ADGRB3: variants seen among roughly 807,000 people sequenced by gnomAD.
ADGRB3 encodes the protein adhesion G protein-coupled receptor B3.
ADGRB3 carries 37 observed loss-of-function variants against 193.4 expected under a neutral mutation model. The observed-to-expected ratio is 0.19, with a 90% CI of 0.15 to 0.25. The LOEUF is 0.25. Among genes scored for constraint, ADGRB3 ranks in the 10% least tolerant of loss-of-function variants. The pLI is 1.00. For missense variants in ADGRB3, 1,637 were observed against 1,852.9 expected, an observed-to-expected ratio of 0.88 and a Z score of 2.14; for synonymous variants, 690 against 644.2, an observed-to-expected ratio of 1.07 and a Z score of -1.08.
chr6:69,223,610 T>G (rs112007635), intron 17 of ADGRB3, among the ~76,000 whole-genome samples: 1 of 151,730 alleles, frequency 6.6e-6, no homozygotes, highest in Non-Finnish European at 1.5e-5. Context: ...CTGTGTTAGT[T>G]TGGTATTATT....
At chr6:69,250,060 G>A (rs1766588026) in intron 20 of ADGRB3, among the ~76,000 whole-genome samples, 2 of 152,164 alleles carry the variant, frequency 1.3e-5, no homozygotes, top group South Asian at 4.1e-4. Context: ...GTTAATATGT[G>A]TGATAAGGGC....
intron 29 of ADGRB3, among the ~76,000 whole-genome samples, chr6:69,364,897 GAGA>G (rs1467891329): frequency 6.6e-6 from 1 of 152,056 alleles, no homozygotes; most frequent in African/African-American, 2.4e-5. Context: ...GGGGACAAAA[GAGA>G]TATCATGGTT....
intron 20 of ADGRB3, among the ~76,000 whole-genome samples, chr6:69,298,579 T>A (rs551281555): frequency 3.2e-4 from 48 of 152,054 alleles, no homozygotes; most frequent in African/African-American, 9.9e-4. Flanking sequence ...CATTCTAATG[T>A]GTGTCTTCAT....
chr6:69,339,059 G>C, intron 25 of ADGRB3, 45 bp downstream of exon 25: 2 of 1,587,246 alleles, frequency 1.3e-6, no homozygotes, highest in Non-Finnish European at 1.7e-6. Context: ...ATCTTTTACA[G>C]TGCATGTGAG....
At chr6:68,669,533 A>G (rs748410512) in intron 3 of ADGRB3, among the ~76,000 whole-genome samples, 6 of 151,462 alleles carry the variant, frequency 4.0e-5, no homozygotes, top group Admixed American at 2.0e-4. Context: ...ACATAACATA[A>G]TGATCTCCAG....
At position 68,720,438 on chromosome 6, in the gene ADGRB3, G is replaced by A. The variant is rs533687173; in HGVS notation, c.757+81006G>A. Among the ~76,000 whole-genome samples, 10 of 151,640 alleles carry A rather than the reference G, an allele frequency of 6.6e-5. No individual in the cohort carries two copies. In the South Asian group the frequency reaches 8.3e-4, roughly 13 times the overall value. ...GGCTTTTTAATTTTACCTGATTCGA[G>A]TTCAATAAAAATGTTGAAGAGGCAA... On this transcript the variant is annotated intron_variant, in intron 3 of 31. Coordinates refer to ENST00000370598, the MANE Select transcript of ADGRB3 (RefSeq NM_001704.3).
At chr6:69,323,112 A>G (rs1434800441) in intron 20 of ADGRB3, among the ~76,000 whole-genome samples, 3 of 152,012 alleles carry the variant, frequency 2.0e-5, no homozygotes, top group Non-Finnish European at 4.4e-5. Flanking sequence ...TTCTTATAAA[A>G]TTTCAGTACA....
At chr6:69,019,352 A>G (rs1027147430) in intron 13 of ADGRB3, among the ~76,000 whole-genome samples, 2 of 152,044 alleles carry the variant, frequency 1.3e-5, no homozygotes, top group Non-Finnish European at 2.9e-5. Context: ...ATTCGTATTC[A>G]CAGATATTTA....
At position 69,328,085 on chromosome 6, in the gene ADGRB3, T is replaced by C. The variant is rs1768618216; in HGVS notation, c.3035+196T>C. Among the ~76,000 whole-genome samples, 3 of 152,204 alleles carry C rather than the reference T, an allele frequency of 2.0e-5. No individual in the cohort carries two copies. The South Asian group carries it at 6.2e-4, about 32-fold the overall frequency. ...AATGTTGTGGCACTATTCAGAATCT[T>C]TGTTTTAGTTTCCCATTTCTTAATA... On this transcript the variant is annotated intron_variant, in intron 22 of 31. Transcript: ENST00000370598.
chr6:68,821,389 T>A (rs1767745478), intron 3 of ADGRB3, among the ~76,000 whole-genome samples: 1 of 151,982 alleles, frequency 6.6e-6, no homozygotes, highest in Non-Finnish European at 1.5e-5. Context: ...CAATGCTTAT[T>A]CCACTGTACA....
At chr6:69,091,154 G>A (rs1284704700) in intron 17 of ADGRB3, among the ~76,000 whole-genome samples, 1 of 152,124 alleles carries the variant, frequency 6.6e-6, no homozygotes, top group Non-Finnish European at 1.5e-5. Context: ...TCCTAGCGAG[G>A]TTGTGGACAA....
At chr6:69,076,818 CTATA>C (rs1695190395) in intron 17 of ADGRB3, among the ~76,000 whole-genome samples, 1 of 151,906 alleles carries the variant, frequency 6.6e-6, no homozygotes, top group Non-Finnish European at 1.5e-5. Flanking sequence ...TAATCCCACT[CTATA>C]TATGCTGTCA....
intron 20 of ADGRB3, among the ~76,000 whole-genome samples, chr6:69,242,138 A>T (rs1385871328): frequency 6.6e-6 from 1 of 151,874 alleles, no homozygotes; most frequent in Non-Finnish European, 1.5e-5. Flanking sequence ...CATCTGTTTG[A>T]CTGTATTTGG....
chr6:69,007,065 A>AAAAC lies in ADGRB3; in HGVS notation c.1930-6969_1930-6966dup, dbSNP rs77692653. ...TTGATCCCTCGTACTCAATTTGAAC[A>AAAAC]AAACAAAGTTCACTTTCTTTTCTCA... On this transcript the variant is annotated intron_variant, in intron 11 of 31. Transcript: ENST00000370598. Among the ~76,000 whole-genome samples the AAAAC allele has an allele frequency of 3.0e-3, 457 of 152,236 alleles. 1 individual carries two copies. The highest frequency in any genetic ancestry group is 6.8e-3 in the Middle Eastern group (2 of 294).
At chr6:69,218,068 C>CAAAAAAA in intron 17 of ADGRB3, among the ~76,000 whole-genome samples, 1 of 81,236 alleles carries the variant, frequency 1.2e-5, no homozygotes, top group Non-Finnish European at 2.4e-5. Context: ...CTCCAGCTGA[C>CAAAAAAA]AAAAAAAAAA....
chr6:69,354,830 C>G (rs1404697877), intron 27 of ADGRB3, among the ~76,000 whole-genome samples: 2 of 152,082 alleles, frequency 1.3e-5, no homozygotes, highest in Non-Finnish European at 2.9e-5. Context: ...AGTAGCCACT[C>G]TTTTAGTGAA....
At chr6:68,715,775 G>A (rs1004761033) in intron 3 of ADGRB3, among the ~76,000 whole-genome samples, 2 of 151,352 alleles carry the variant, frequency 1.3e-5, no homozygotes, top group Non-Finnish European at 3.0e-5. Flanking sequence ...GGGTTCCATC[G>A]GCTACAATTA....
chr6:68,827,094 G>GAT (rs925604682), intron 3 of ADGRB3, among the ~76,000 whole-genome samples: 38 of 152,238 alleles, frequency 2.5e-4, no homozygotes, highest in Non-Finnish European at 1.2e-4. Context: ...ATATAAAAGA[G>GAT]ATAAATTGTA....
chr6:69,388,071 GT>G (rs1391411591), intron 31 of ADGRB3, among the ~76,000 whole-genome samples: 1 of 150,758 alleles, frequency 6.6e-6, no homozygotes, highest in Non-Finnish European at 1.5e-5. Context: ...ACAATTACAA[GT>G]TTAAAAAAGT....
Sources: gnomAD v4.1 joint callset for allele counts (sites outside exome capture counted in the v4.1 genomes callset) on GRCh38, gnomAD v4.1.1 for gene constraint, MANE v1.5 for transcripts, NCBI Gene and HGNC (gene_info 2026-07-23, HGNC 2026-07-21) for gene names.